GRM7: variants seen among roughly 807,000 people sequenced by gnomAD.
The protein encoded by GRM7 is metabotropic glutamate receptor 7.
A neutral mutation model predicts 84.5 loss-of-function variants in GRM7; 35 were observed. That is an observed-to-expected ratio of 0.41 (90% confidence interval 0.32 to 0.55). The LOEUF (loss-of-function observed/expected upper bound fraction) is 0.55, where lower values mean the gene tolerates loss of function less well. GRM7 is among the 20% of genes least tolerant of loss of function. The probability of loss-of-function intolerance (pLI) is 0.19; values close to 1 mark genes in which losing one functional copy is unlikely to be tolerated. For synonymous variants in GRM7, 487 were observed against 455.1 expected, an observed-to-expected ratio of 1.07 and a Z score of -0.89; for missense variants, 1,003 against 1,194.6, an observed-to-expected ratio of 0.84 and a Z score of 2.36.
intron 9 of GRM7, chr3:7,691,280 T>C (rs1271195473): frequency 7.8e-7 from 1 of 1,285,932 alleles, no homozygotes; most frequent in Non-Finnish European, 1.0e-6. Context: ...CTTCTTGAGC[T>C]GACCCAACAC....
At chr3:7,420,508 A>G (rs1696350662) in intron 5 of GRM7, among the ~76,000 whole-genome samples, 1 of 152,134 alleles carries the variant, frequency 6.6e-6, no homozygotes, top group African/African-American at 2.4e-5. Flanking sequence ...TTTCTTAAAC[A>G]GAGGCTTGCC....
intron 2 of GRM7, among the ~76,000 whole-genome samples, chr3:7,233,286 C>T (rs1697251458): frequency 6.6e-6 from 1 of 152,074 alleles, no homozygotes; most frequent in African/African-American, 2.4e-5. Flanking sequence ...TGTCAGAAGG[C>T]TAAAAAGACT....
intron 7 of GRM7, among the ~76,000 whole-genome samples, chr3:7,541,840 T>C (rs986091274): frequency 2.6e-5 from 4 of 152,152 alleles, no homozygotes; most frequent in Non-Finnish European, 5.9e-5. Context: ...TTAAAGCATA[T>C]ACATGTATTA....
At chr3:6,903,683 G>A (rs958401204) in intron 1 of GRM7, among the ~76,000 whole-genome samples, 4 of 152,134 alleles carry the variant, frequency 2.6e-5, no homozygotes, top group African/African-American at 9.7e-5. Context: ...TAAGGTAGAA[G>A]TTGTATACGT....
intron 1 of GRM7, among the ~76,000 whole-genome samples, chr3:7,102,935 T>G (rs1699164576): frequency 6.6e-6 from 1 of 151,774 alleles, no homozygotes; most frequent in African/African-American, 2.4e-5. Flanking sequence ...TCTGCTGATA[T>G]TCTCCATCTC....
intron 7 of GRM7, among the ~76,000 whole-genome samples, chr3:7,532,176 A>T (rs1309703332): frequency 2.0e-5 from 3 of 152,106 alleles, no homozygotes; most frequent in African/African-American, 7.2e-5. Flanking sequence ...GTTGTTTGGA[A>T]TAGTTTCAGA....
chr3:7,233,016 A>G (rs978403169), intron 2 of GRM7, among the ~76,000 whole-genome samples: 3 of 152,176 alleles, frequency 2.0e-5, no homozygotes, highest in African/African-American at 7.2e-5. Context: ...TTGCATGACC[A>G]TATGAAGAGT....
intron 2 of GRM7, among the ~76,000 whole-genome samples, chr3:7,177,263 C>G (rs1012515813): frequency 1.7e-4 from 26 of 152,088 alleles, no homozygotes; most frequent in African/African-American, 6.0e-4. Flanking sequence ...CATCTTTTTG[C>G]TCCATGCAAT....
rs1427335197 is a variant in GRM7, at chr3:7,319,619, G to A, written c.1033+12967G>A. ...AGAATGTCTACAGTATGGCAAAAGA[G>A]TCTAGGACTGATTTACTATTTGAAT... On this transcript the variant is annotated intron_variant, in intron 4 of 9. Coordinates refer to ENST00000357716, the MANE Select transcript of GRM7 (RefSeq NM_000844.4). 2.6e-5 allele frequency among the ~76,000 whole-genome samples: 4 copies of A among 152,008 alleles called. No individual in the cohort carries two copies. The East Asian group carries it at 5.8e-4, about 22-fold the overall frequency.
At chr3:6,918,750 C>T (rs10490856) in intron 1 of GRM7, among the ~76,000 whole-genome samples, 12,448 of 152,094 alleles carry the variant, frequency 0.082, 1,105 homozygotes, top group East Asian at 0.32. Flanking sequence ...AGATTAAAGG[C>T]TCAGATAATA....
intron 7 of GRM7, chr3:7,561,312 T>G (rs1010596814): frequency 3.1e-5 from 8 of 260,146 alleles, no homozygotes; most frequent in Non-Finnish European, 5.5e-5. Context: ...TAAATTACAT[T>G]GAATTTAGTG....
chr3:7,525,883 G>T (rs1049243283), intron 7 of GRM7, among the ~76,000 whole-genome samples: 1 of 152,116 alleles, frequency 6.6e-6, no homozygotes, highest in East Asian at 1.9e-4. Context: ...CAAGGGAAAT[G>T]ATTTTGTTCT....
At chr3:6,974,712 A>T (rs1446923767) in intron 1 of GRM7, among the ~76,000 whole-genome samples, 1 of 152,194 alleles carries the variant, frequency 6.6e-6, no homozygotes, top group African/African-American at 2.4e-5. Context: ...CCCATCAGAC[A>T]TATCAAGGGA....
At chr3:7,164,505 A>G (rs1302495501) in intron 2 of GRM7, among the ~76,000 whole-genome samples, 4 of 152,204 alleles carry the variant, frequency 2.6e-5, no homozygotes, top group African/African-American at 7.2e-5. Context: ...ACCTTGAACC[A>G]TCTGTCCCAC....
At chr3:7,018,787 T>C (rs1695666849) in intron 1 of GRM7, among the ~76,000 whole-genome samples, 1 of 152,240 alleles carries the variant, frequency 6.6e-6, no homozygotes, top group Non-Finnish European at 1.5e-5. Flanking sequence ...AGGAAGTTAA[T>C]AGCGTTGCTT....
chr3:7,170,573 T>G (rs1339891383), intron 2 of GRM7, among the ~76,000 whole-genome samples: 2 of 152,162 alleles, frequency 1.3e-5, no homozygotes, highest in Admixed American at 1.3e-4. Flanking sequence ...GTGGGTGGAT[T>G]CCTATCTCCT....
intron 4 of GRM7, among the ~76,000 whole-genome samples, chr3:7,400,974 G>T (rs1455966846): frequency 6.6e-6 from 1 of 151,536 alleles, no homozygotes; most frequent in Non-Finnish European, 1.5e-5. Context: ...TTTTTTTTTA[G>T]TAAGCATTAG....
chr3:7,335,307 A>G (rs1410290820), intron 4 of GRM7, among the ~76,000 whole-genome samples: 3 of 152,160 alleles, frequency 2.0e-5, no homozygotes, highest in African/African-American at 4.8e-5. Context: ...CTGCTCCTGA[A>G]TGATCTTTGG....
intron 9 of GRM7, among the ~76,000 whole-genome samples, chr3:7,717,382 A>G (rs1003869535): frequency 1.3e-5 from 2 of 152,156 alleles, no homozygotes; most frequent in African/African-American, 2.4e-5. Flanking sequence ...TTAAAAAAAA[A>G]ATTGCACAGG....
Sources: gnomAD v4.1 joint callset for allele counts (sites outside exome capture counted in the v4.1 genomes callset) on GRCh38, gnomAD v4.1.1 for gene constraint, MANE v1.5 for transcripts, NCBI Gene and HGNC (gene_info 2026-07-23, HGNC 2026-07-21) for gene names.